The following MYO1D variants were observed in gnomAD, a reference collection of about 807,000 sequenced individuals.
MYO1D encodes myosin ID.
In MYO1D, 83 loss-of-function variants were observed where a neutral mutation model predicts 122.0. That is an observed-to-expected ratio of 0.68 (90% CI 0.57 to 0.82). MYO1D has a LOEUF of 0.82. Ranked by LOEUF, MYO1D falls within the 40% of genes least tolerant of loss-of-function variation. MYO1D has a pLI of 0.00. For synonymous variants in MYO1D, 464 were observed against 446.9 expected, an observed-to-expected ratio of 1.04 and a Z score of -0.48; for missense variants, 1,157 against 1,269.5, an observed-to-expected ratio of 0.91 and a Z score of 1.35.
At chr17:32,595,122 T>C (rs1406733794) in intron 21 of MYO1D, among the ~76,000 whole-genome samples, 1 of 152,136 alleles carries the variant, frequency 6.6e-6, no homozygotes, top group Non-Finnish European at 1.5e-5. Context: ...GAAAGAGACA[T>C]TCATATGGTG....
chr17:32,822,521 G>A (rs1466823705), intron 1 of MYO1D, among the ~76,000 whole-genome samples: 1 of 150,920 alleles, frequency 6.6e-6, no homozygotes, highest in Non-Finnish European at 1.5e-5. Flanking sequence ...TTCGGTTCCC[G>A]CCTCCTCCCC....
At chr17:32,813,414 G>C (rs1480112514) in intron 1 of MYO1D, among the ~76,000 whole-genome samples, 35 of 152,180 alleles carry the variant, frequency 2.3e-4, no homozygotes, top group Admixed American at 2.3e-3. Context: ...CAGACCTCAA[G>C]GACCGAGAAG....
chr17:32,785,827 G>C (rs1485329967), intron 1 of MYO1D, among the ~76,000 whole-genome samples: 2 of 152,070 alleles, frequency 1.3e-5, no homozygotes, highest in African/African-American at 2.4e-5. Flanking sequence ...CTAGGGTTGA[G>C]TCTAGTATCA....
At chr17:32,618,512 C>T (rs2087807381) in intron 20 of MYO1D, among the ~76,000 whole-genome samples, 1 of 152,158 alleles carries the variant, frequency 6.6e-6, no homozygotes, top group African/African-American at 2.4e-5. Flanking sequence ...AGAACATTTA[C>T]AACCCACATA....
intron 18 of MYO1D, 100 bp downstream of exon 18, chr17:32,654,377 A>G: frequency 1.5e-6 from 2 of 1,301,752 alleles, no homozygotes; most frequent in South Asian, 3.0e-5. Flanking sequence ...TTTAGTTTCT[A>G]AAAGTGTTTT....
At chr17:32,807,734 T>C (rs1180642935) in intron 1 of MYO1D, among the ~76,000 whole-genome samples, 1 of 152,146 alleles carries the variant, frequency 6.6e-6, no homozygotes, top group African/African-American at 2.4e-5. Context: ...TCAAAGCAGC[T>C]TGCGTGCTCA....
chr17:32,636,709 G>C (rs796364274), intron 20 of MYO1D, among the ~76,000 whole-genome samples: 66 of 152,240 alleles, frequency 4.3e-4, no homozygotes, highest in African/African-American at 1.5e-3. Context: ...GAGATGGTGT[G>C]AGACAGCCTG....
At chr17:32,586,539 A>C (rs1271458076) in intron 21 of MYO1D, among the ~76,000 whole-genome samples, 4 of 152,110 alleles carry the variant, frequency 2.6e-5, no homozygotes, top group African/African-American at 9.7e-5. Flanking sequence ...GGTTTTTCTT[A>C]TTTGCAAATT....
At chr17:32,766,802 C>CAAAAAAAAAAA (rs145663504) in intron 7 of MYO1D, among the ~76,000 whole-genome samples, 4 of 150,224 alleles carry the variant, frequency 2.7e-5, no homozygotes, top group African/African-American at 9.8e-5. Flanking sequence ...AAAAAGAAAA[C>CAAAAAAAAAAA]AAAACAACAA....
intron 21 of MYO1D, among the ~76,000 whole-genome samples, chr17:32,577,461 T>C (rs7209363): frequency 0.56 from 85,082 of 151,896 alleles, 24,120 homozygotes; most frequent in Middle Eastern, 0.67. Context: ...AGAGATAATA[T>C]ATAATGTCTA....
At chr17:32,722,957 G>C (rs565454650) in intron 14 of MYO1D, among the ~76,000 whole-genome samples, 2 of 152,208 alleles carry the variant, frequency 1.3e-5, no homozygotes, top group Admixed American at 6.5e-5. Flanking sequence ...CTCTGGGCAG[G>C]TTAGGGGGAC....
At chr17:32,609,448 G>C (rs1157212020) in intron 20 of MYO1D, among the ~76,000 whole-genome samples, 1 of 152,216 alleles carries the variant, frequency 6.6e-6, no homozygotes, top group African/African-American at 2.4e-5. Flanking sequence ...AGTTGGATCA[G>C]AGGAAGAGGT....
At chr17:32,844,125 A>C (rs72815101) in intron 1 of MYO1D, among the ~76,000 whole-genome samples, 74 of 150,034 alleles carry the variant, frequency 4.9e-4, no homozygotes, top group Admixed American at 8.0e-4. Flanking sequence ...ATATTCTATT[A>C]TATGTAACAC....
At chr17:32,632,576 TATATATATATACACACACAC>T (rs1442448752) in intron 20 of MYO1D, 179 of 109,094 alleles carry the variant, frequency 1.6e-3, no homozygotes, top group African/African-American at 8.4e-3. Flanking sequence ...TATATATATA[TATATATATATACACACACAC>T]ACACACACAC....
chr17:32,676,704 G>A (rs2088814816), intron 16 of MYO1D, among the ~76,000 whole-genome samples: 1 of 151,932 alleles, frequency 6.6e-6, no homozygotes, highest in Non-Finnish European at 1.5e-5. Context: ...CTGAATAGAG[G>A]TTTCATGTTC....
intron 1 of MYO1D, among the ~76,000 whole-genome samples, chr17:32,827,995 A>G (rs1408846675): frequency 6.6e-6 from 1 of 152,254 alleles, no homozygotes; most frequent in Non-Finnish European, 1.5e-5. Flanking sequence ...CAATGGCAAA[A>G]GCACATGATC....
chr17:32,794,984 C>A (rs1441384754), intron 1 of MYO1D, among the ~76,000 whole-genome samples: 1 of 152,004 alleles, frequency 6.6e-6, no homozygotes, highest in African/African-American at 2.4e-5. Flanking sequence ...AGTAGACAGG[C>A]TTTAAGAGTA....
chr17:32,698,538 C>A (rs927574060), intron 16 of MYO1D, among the ~76,000 whole-genome samples: 1 of 151,990 alleles, frequency 6.6e-6, no homozygotes, highest in Non-Finnish European at 1.5e-5. Context: ...CACTTCATGT[C>A]TCTATCTGAC....
intron 19 of MYO1D, among the ~76,000 whole-genome samples, chr17:32,643,882 C>T (rs1280055047): frequency 6.6e-6 from 1 of 152,050 alleles, no homozygotes; most frequent in African/African-American, 2.4e-5. Flanking sequence ...CTCCTGGATT[C>T]ATTGATTTTT....
Sources: allele counts gnomAD v4.1 joint callset (sites outside exome capture counted in the v4.1 genomes callset), GRCh38; gene constraint gnomAD v4.1.1; transcripts MANE v1.5; gene names NCBI Gene and HGNC (gene_info 2026-07-23, HGNC 2026-07-21).